Variants in HTRA3 observed in about 807,000 individuals in gnomAD.
HTRA3 encodes HtrA serine peptidase 3.
In HTRA3, 41 loss-of-function variants were observed where a neutral mutation model predicts 43.2. That is an observed-to-expected ratio of 0.95 (90% CI 0.74 to 1.23). The LOEUF is 1.23. HTRA3 is among the 50% of genes most tolerant of loss of function. HTRA3 has a pLI of 0.00. For missense variants in HTRA3, 628 were observed against 647.1 expected, an observed-to-expected ratio of 0.97 and a Z score of 0.32; for synonymous variants, 295 against 287.9, an observed-to-expected ratio of 1.02 and a Z score of -0.25.
At chr4:8,288,899 G>GTCCTTCCTTCCTTCCTTCCTTCCT (rs1199752377) in intron 3 of HTRA3, among the ~76,000 whole-genome samples, 86 of 101,488 alleles carry the variant, frequency 8.5e-4, no homozygotes, top group African/African-American at 9.2e-4. Context: ...CCTTCCGTCC[G>GTCCTTCCTTCCTTCCTTCCTTCCT]TCCTTCCTTC....
chr4:8,304,643 G>GTT lies in HTRA3; in HGVS notation c.1196+394_1196+395dup, dbSNP rs140790982. Among the ~76,000 whole-genome samples the GTT allele has an allele frequency of 7.2e-4, 45 of 62,724 alleles. 2 individuals are homozygous for GTT. Among genetic ancestry groups the GTT allele is most frequent in the East Asian group, 3.1e-3 (3 of 982 alleles). 41.1% of individuals were successfully genotyped at this position (62,724 alleles called of 152,430 possible). On this transcript the variant is annotated intron_variant, in intron 8 of 8. Coordinates refer to ENST00000307358, the MANE Select transcript of HTRA3 (RefSeq NM_053044.5). The stretch of plus-strand genomic sequence containing the variant: ...TAAAGTGGAGATAATTCAGCCTATT[G>GTT]TTTTTTTTTTTTTTTTTTTTTTTTT...
intron 3 of HTRA3, among the ~76,000 whole-genome samples, chr4:8,288,959 T>TC (rs1251703498): frequency 8.3e-4 from 111 of 134,204 alleles, no homozygotes; most frequent in African/African-American, 2.6e-3. Flanking sequence ...TCTCTCTCTC[T>TC]TTTTTTTTTT....
chr4:8,280,665 G>A (rs1413711949), intron 1 of HTRA3, among the ~76,000 whole-genome samples: 1 of 152,078 alleles, frequency 6.6e-6, no homozygotes, highest in Non-Finnish European at 1.5e-5. Context: ...TGGGGTGTTT[G>A]TTAATGTGAC....
Position 8,302,466 on chromosome 4 carries a change from G to A in HTRA3, c.1055G>A (p.Trp352Ter), listed in dbSNP as rs1387115545. ...TCTCGCCGTGTTTCATTTCCAGACTGGAAGAAGCGCTTCATCGGCATACGG... is the reference window on the plus strand; with the variant it reads ...TCTCGCCGTGTTTCATTTCCAGACTAGAAGAAGCGCTTCATCGGCATACGG... ...TEFQDKQIKDWKKRFIGIRMR... is the reference protein window; with the variant it reads ...TEFQDKQIKD The change falls in exon 7 of 9, where the codon TGG (tryptophan) becomes TAG (stop). Residue 352 changes from tryptophan (W) to a stop codon, truncating the protein, a stop_gained. Coordinates refer to ENST00000307358, the MANE Select transcript of HTRA3 (RefSeq NM_053044.5). LOFTEE classifies it high-confidence loss of function. 1.5e-5 allele frequency: 24 copies of A among 1,614,094 alleles called. No homozygotes were observed. The highest frequency in any genetic ancestry group is 1.9e-5 in the Non-Finnish European group (23 of 1,180,002).
At chr4:8,298,067 G>C (rs574483795) in intron 6 of HTRA3, among the ~76,000 whole-genome samples, 1 of 152,148 alleles carries the variant, frequency 6.6e-6, no homozygotes, top group African/African-American at 2.4e-5. Flanking sequence ...CTCCACCTCC[G>C]GGTCCAGCAC....
chr4:8,300,959 TTTATTA>T (rs754420998), intron 6 of HTRA3, among the ~76,000 whole-genome samples: 1 of 151,942 alleles, frequency 6.6e-6, no homozygotes, highest in Admixed American at 6.6e-5. Flanking sequence ...CACACTCAGC[TTTATTA>T]TTGAGTCACA....
rs1258720016 is a variant in HTRA3, at chr4:8,295,716, G to C, written c.1051+1515G>C. The C allele has an allele frequency of 2.1e-6, 3 of 1,396,452 alleles. No homozygotes were observed. Among genetic ancestry groups the C allele is most frequent in the Non-Finnish European group, 2.8e-6 (3 of 1,072,728 alleles). 86.5% of individuals were successfully genotyped at this position (1,396,452 alleles called of 1,614,324 possible). ...CCAGCCCCCTCACTGGCAGTTCATT[G>C]AGAGCAGGGGGCTTCCTCACGTTTC... is the stretch of plus-strand genomic sequence containing the variant. On this transcript the variant is annotated intron_variant, in intron 6 of 8. Transcript: ENST00000307358. The surrounding 1 kb of genome is among the most constrained non-coding windows in gnomAD (Gnocchi z 6.9).
rs1486605343 is a variant in HTRA3 at position 8,306,040 on chromosome 4, G to T, written c.1266G>T (p.Leu422=). ...NGRPLVDSSE[L]QEAVLTESPL... is the part of the protein sequence containing the mutation. ...GTCCTCTAGTGGACTCGAGTGAGCT[G>T]CAGGAGGCCGTGCTGACCGAGTCTC... is the stretch of plus-strand genomic sequence containing the variant. The change falls in exon 9 of 9, where the codon CTG becomes CTT. Residue 422 remains leucine, a synonymous_variant. Transcript: ENST00000307358. This position sits in a 1 kb window ranked among gnomAD's most constrained non-coding sequence, Gnocchi z 8.9. 2.5e-6 allele frequency: 4 copies of T among 1,613,008 alleles called. No individual in the cohort carries two copies. The highest frequency in any genetic ancestry group is 2.2e-5 in the East Asian group (1 of 44,836).
At chr4:8,292,680 C>T (rs1316433302) in intron 5 of HTRA3, among the ~76,000 whole-genome samples, 2 of 152,232 alleles carry the variant, frequency 1.3e-5, no homozygotes, top group Non-Finnish European at 2.9e-5. Context: ...GATGTACACA[C>T]AGGATGACAG....
chr4:8,283,603 G>T (rs566975493), intron 2 of HTRA3, among the ~76,000 whole-genome samples: 1 of 152,210 alleles, frequency 6.6e-6, no homozygotes, highest in Non-Finnish European at 1.5e-5. Flanking sequence ...CTGGCCCTTT[G>T]GTCCCTGGGT....
chr4:8,291,236 C>T (rs1196629423), intron 3 of HTRA3, 134 bp from the exon 4 acceptor site: 3 of 757,844 alleles, frequency 4.0e-6, no homozygotes, highest in Admixed American at 4.0e-5. Flanking sequence ...CCTGCCTGAG[C>T]CTTCACAGTC....
intron 5 of HTRA3, among the ~76,000 whole-genome samples, 182 bp downstream of exon 5, chr4:8,292,535 G>C (rs1254808815): frequency 2.0e-5 from 3 of 152,192 alleles, no homozygotes; most frequent in African/African-American, 7.2e-5. Context: ...CAAGCGCCTC[G>C]GGGATGCTAG....
In HTRA3 at chr4:8,307,065, C is replaced by T. The variant is rs775982931; in HGVS notation, c.*929C>T. Reference sequence around the variant, plus strand: ...CCAGTGTTGCTTGTACTGTATGTTTCTCTACTGTATGGAAAATAAAGTTTA... The same window carrying T: ...CCAGTGTTGCTTGTACTGTATGTTTTTCTACTGTATGGAAAATAAAGTTTA... On this transcript the variant is annotated 3_prime_UTR_variant, in exon 9 of 9. Coordinates refer to ENST00000307358, the MANE Select transcript of HTRA3 (RefSeq NM_053044.5). This position sits in a 1 kb window ranked among gnomAD's most constrained non-coding sequence, Gnocchi z 6.1. 6.5e-6 allele frequency: 1 copy of T among 152,702 alleles called. No homozygotes were observed. Among genetic ancestry groups the T allele is most frequent in the Non-Finnish European group, 1.5e-5 (1 of 68,082 alleles). The allele number at this position is 152,702 out of a possible 1,614,324, so 9.5% of individuals were successfully genotyped here.
chr4:8,288,440 T>C (rs1340091823), intron 3 of HTRA3, among the ~76,000 whole-genome samples: 7 of 151,766 alleles, frequency 4.6e-5, no homozygotes, highest in Admixed American at 2.6e-4. Flanking sequence ...CACTGGCCAA[T>C]TTTTTTGTAT....
chr4:8,278,199 C>T (rs1437041505), intron 1 of HTRA3, among the ~76,000 whole-genome samples: 1 of 152,094 alleles, frequency 6.6e-6, no homozygotes, highest in African/African-American at 2.4e-5. Flanking sequence ...CCCCAGGACT[C>T]CTGGGAGTTC....
chr4:8,305,706 G>A (rs545060590), intron 8 of HTRA3, among the ~76,000 whole-genome samples: 4 of 152,290 alleles, frequency 2.6e-5, no homozygotes, highest in Admixed American at 2.6e-4. Flanking sequence ...CAGAGTGCCT[G>A]GCCCAGCTAG....
chr4:8,306,224 G>T lies in HTRA3; in HGVS notation c.*88G>T. On this transcript the variant is annotated 3_prime_UTR_variant, in exon 9 of 9. Transcript: ENST00000307358. This position sits in a 1 kb window ranked among gnomAD's most constrained non-coding sequence, Gnocchi z 8.9. ...GAGATCAGGACGAAGGACCACCGTC[G>T]GTCCTCAGCAGGGCGGCAGCCTCCT... The T allele has an allele frequency of 2.9e-6, 4 of 1,387,460 alleles. No individual in the cohort carries two copies. The highest frequency in any genetic ancestry group is 3.8e-6 in the Non-Finnish European group (4 of 1,042,776). The allele number at this position is 1,387,460 out of a possible 1,614,324, so 85.9% of individuals were successfully genotyped here. A position where few individuals can be genotyped will look rare whatever the true frequency, so the allele number is the denominator to read the frequency against.
At position 8,286,434 on chromosome 4, in the gene HTRA3, A is replaced by T. The variant is rs1169655386; in HGVS notation, c.486-127A>T. On this transcript the variant is annotated intron_variant, in intron 2 of 8. Coordinates refer to ENST00000307358, the MANE Select transcript of HTRA3 (RefSeq NM_053044.5). The surrounding 1 kb of genome is among the most constrained non-coding windows in gnomAD (Gnocchi z 4.9). ...CAGGATTCAAATGGGAGCTTGAGGG[A>T]CTCCAGACCTGTGTTCTGTCAGCCA... The T allele has an allele frequency of 3.9e-6, 3 of 760,188 alleles. No homozygotes were observed. Among genetic ancestry groups the T allele is most frequent in the Admixed American group, 2.1e-5 (1 of 46,874 alleles). 47.1% of individuals were successfully genotyped at this position (760,188 alleles called of 1,614,324 possible). A position where few individuals can be genotyped will look rare whatever the true frequency, so the allele number is the denominator to read the frequency against.
In HTRA3 at chr4:8,282,366, T is replaced by C. The variant is rs1018768091; in HGVS notation, c.386-71T>C. ...GGAAGAGCCTCCTCCTTCTGCCCAC[T>C]GGGCATAGGCCTCTGGGAGCTGGCA... On this transcript the variant is annotated intron_variant, in intron 1 of 8. Coordinates refer to ENST00000307358, the MANE Select transcript of HTRA3 (RefSeq NM_053044.5). The C allele has an allele frequency of 4.1e-6, 5 of 1,215,138 alleles. No homozygotes were observed. The East Asian group carries it at 1.0e-4, about 25-fold the overall frequency. 75.3% of individuals were successfully genotyped at this position (1,215,138 alleles called of 1,614,324 possible).
Sources: allele counts gnomAD v4.1 joint callset (sites outside exome capture counted in the v4.1 genomes callset), GRCh38; gene constraint gnomAD v4.1.1; non-coding constraint Gnocchi (gnomAD v3.1); transcripts MANE v1.5; gene names NCBI Gene and HGNC (gene_info 2026-07-23, HGNC 2026-07-21).